The following TCAIM variants were observed in gnomAD, a reference collection of about 807,000 sequenced individuals.
TCAIM encodes T-cell activation inhibitor, mitochondrial.
TCAIM carries 36 observed loss-of-function variants against 58.6 expected under a neutral mutation model. The observed-to-expected ratio is 0.61, with a 90% CI of 0.47 to 0.81. The LOEUF is 0.81. TCAIM is among the 30% of genes least tolerant of loss of function. TCAIM has a pLI of 0.00. For missense variants in TCAIM, 466 were observed against 579.6 expected (o/e 0.80, Z 2.01); for synonymous variants, 172 against 193.6 (o/e 0.89, Z 0.93).
At chr3:44,353,120 C>T (rs547294109) in intron 1 of TCAIM, among the ~76,000 whole-genome samples, 23 of 152,032 alleles carry the variant, frequency 1.5e-4, no homozygotes, top group African/African-American at 4.1e-4. Flanking sequence ...AGGGTTTCAC[C>T]GTGTTGGTCA....
Position 44,407,618 on chromosome 3 carries a change from CTG to C in TCAIM, c.1429_1430del (p.Val477TyrfsTer19). On this transcript the variant is annotated frameshift_variant, in exon 11 of 11. Transcript: ENST00000342649. LOFTEE classifies it high-confidence loss of function. Reference sequence around the variant, plus strand: ...CACCTCTGCATTTCACATTTTTACTCTGTTATGCAAGATGGAGACCTTTGTAT... The same window carrying C: ...CACCTCTGCATTTCACATTTTTACTCTTATGCAAGATGGAGACCTTTGTAT... The C allele has an allele frequency of 1.2e-6, 2 of 1,613,778 alleles. No homozygotes were observed. Among genetic ancestry groups the C allele is most frequent in the Non-Finnish European group, 8.5e-7 (1 of 1,179,860 alleles).
chr3:44,338,977 G>T (rs1450294703), intron 1 of TCAIM, 143 bp downstream of exon 1: 1 of 152,208 alleles, frequency 6.6e-6, no homozygotes, highest in Non-Finnish European at 1.5e-5. Context: ...CGCAGTATCC[G>T]CATCGCATCT....
chr3:44,352,554 C>CA (rs577022073), intron 1 of TCAIM, among the ~76,000 whole-genome samples: 1 of 152,156 alleles, frequency 6.6e-6, no homozygotes, highest in Non-Finnish European at 1.5e-5. Context: ...CATCCCTACT[C>CA]ACGCATAACC....
chr3:44,362,480 C>A lies in TCAIM; in HGVS notation c.319+962C>A, dbSNP rs191171475. ...GAATGCTGAAGTATGTTGAAGACAA[C>A]TCCTCACCCAGTCTCTCCAGGGACT... On this transcript the variant is annotated intron_variant, in intron 4 of 10. Coordinates refer to ENST00000342649, the MANE Select transcript of TCAIM (RefSeq NM_173826.4). 4 of 400,856 alleles carry A rather than the reference C, an allele frequency of 1.0e-5. No individual in the cohort carries two copies. The South Asian group carries it at 5.0e-4, about 50-fold the overall frequency. 24.8% of individuals were successfully genotyped at this position (400,856 alleles called of 1,614,324 possible). A position where few individuals can be genotyped will look rare whatever the true frequency, so the allele number is the denominator to read the frequency against.
chr3:44,358,298 G>A, intron 3 of TCAIM: 1 of 925,420 alleles, frequency 1.1e-6, no homozygotes, highest in Non-Finnish European at 1.7e-6. Flanking sequence ...TACAACATCA[G>A]TTAATGTGTG....
chr3:44,381,833 C>G (rs1279133223), intron 5 of TCAIM, among the ~76,000 whole-genome samples: 1 of 152,054 alleles, frequency 6.6e-6, no homozygotes, highest in East Asian at 1.9e-4. Flanking sequence ...TTTCTGTATA[C>G]TAGCAATGAA....
At chr3:44,394,556 C>G (rs887294220) in intron 6 of TCAIM, among the ~76,000 whole-genome samples, 2 of 151,908 alleles carry the variant, frequency 1.3e-5, no homozygotes, top group African/African-American at 4.8e-5. Flanking sequence ...TTTACAGTAT[C>G]ATGGAGAAAT....
chr3:44,349,407 G>A (rs905453610), intron 1 of TCAIM, among the ~76,000 whole-genome samples: 2 of 152,186 alleles, frequency 1.3e-5, no homozygotes, highest in African/African-American at 4.8e-5. Flanking sequence ...TTTAGGTTAG[G>A]TGTGAGTTGA....
intron 5 of TCAIM, among the ~76,000 whole-genome samples, chr3:44,389,041 C>T (rs976500007): frequency 7.2e-5 from 11 of 152,282 alleles, no homozygotes; most frequent in Non-Finnish European, 1.3e-4. Flanking sequence ...CCTGTAATCC[C>T]GGCACTTTGG....
At chr3:44,347,930 G>A (rs570829376) in intron 1 of TCAIM, among the ~76,000 whole-genome samples, 7 of 152,216 alleles carry the variant, frequency 4.6e-5, no homozygotes, top group South Asian at 4.2e-4. Flanking sequence ...GGGAAAGGGC[G>A]GCAATGAGGT....
chr3:44,353,885 A>G (rs1400363209), intron 1 of TCAIM, among the ~76,000 whole-genome samples: 2 of 152,068 alleles, frequency 1.3e-5, no homozygotes, highest in Non-Finnish European at 2.9e-5. Flanking sequence ...TTTTCTTCTC[A>G]TTCTCTTGAC....
At chr3:44,385,525 A>G (rs1701724932) in intron 5 of TCAIM, among the ~76,000 whole-genome samples, 2 of 151,636 alleles carry the variant, frequency 1.3e-5, no homozygotes, top group South Asian at 4.1e-4. Flanking sequence ...GCAGATCACA[A>G]GGTCAGGAGA....
chr3:44,380,639 A>G (rs1379888100), intron 5 of TCAIM, among the ~76,000 whole-genome samples: 3 of 151,990 alleles, frequency 2.0e-5, no homozygotes, highest in Non-Finnish European at 4.4e-5. Context: ...GGAAATAATA[A>G]AGATTAGAGC....
intron 1 of TCAIM, among the ~76,000 whole-genome samples, chr3:44,350,396 T>TA (rs1701062950): frequency 6.6e-6 from 1 of 152,060 alleles, no homozygotes; most frequent in East Asian, 1.9e-4. Context: ...GCCTGACAAT[T>TA]ACCTCCCGAA....
At chr3:44,370,086 CTTG>C in intron 5 of TCAIM, among the ~76,000 whole-genome samples, 1 of 41,570 alleles carries the variant, frequency 2.4e-5, no homozygotes, top group East Asian at 5.7e-3. Context: ...GCTGTGAATT[CTTG>C]ATTTCCTCAA....
intron 5 of TCAIM, among the ~76,000 whole-genome samples, chr3:44,378,285 C>A (rs1179918826): frequency 6.6e-6 from 1 of 151,818 alleles, no homozygotes; most frequent in African/African-American, 2.4e-5. Context: ...GAGGCTGAGG[C>A]ACAAGAATCA....
intron 5 of TCAIM, 81 bp downstream of exon 5, chr3:44,367,789 T>G: frequency 7.4e-7 from 1 of 1,350,854 alleles, no homozygotes; most frequent in Non-Finnish European, 9.8e-7. Flanking sequence ...GCAAAAACAT[T>G]TTTTTATAAA....
chr3:44,382,195 C>T (rs1040506087), intron 5 of TCAIM, among the ~76,000 whole-genome samples: 1 of 152,162 alleles, frequency 6.6e-6, no homozygotes, highest in African/African-American at 2.4e-5. Flanking sequence ...AGCTGGAGAA[C>T]TCACATTTCC....
Position 44,396,756 on chromosome 3 carries a change from A to G in TCAIM, c.807A>G (p.Ile269Met). 1 of 1,614,100 alleles carries G rather than the reference A, an allele frequency of 6.2e-7. No homozygotes were observed. Among genetic ancestry groups the G allele is most frequent in the Non-Finnish European group, 8.5e-7 (1 of 1,180,000 alleles). The stretch of plus-strand genomic sequence containing the variant: ...TTTTGTCATCAGGGTGTACAATCAT[A>G]TTTACAGACCGTTCTGGCATGAGTG... ...TLKKAKGCTI[I>M]FTDRSGMSAV... is the part of the protein sequence containing the mutation. The change falls in exon 8 of 11, where the codon ATA becomes ATG. Residue 269 changes from isoleucine (I) to methionine (M), a missense_variant. By Grantham distance (10) the Ile-to-Met change is conservative. Coordinates refer to ENST00000342649, the MANE Select transcript of TCAIM (RefSeq NM_173826.4).
Sources: gnomAD v4.1 joint callset for allele counts (sites outside exome capture counted in the v4.1 genomes callset) on GRCh38, gnomAD v4.1.1 for gene constraint, MANE v1.5 for transcripts, NCBI Gene and HGNC (gene_info 2026-07-23, HGNC 2026-07-21) for gene names.